The following ATP2B3 variants were observed in gnomAD, a reference collection of about 807,000 sequenced individuals.
The protein encoded by ATP2B3 is plasma membrane calcium-transporting ATPase 3.
A neutral mutation model predicts 70.8 loss-of-function variants in ATP2B3; 12 were observed. That is an observed-to-expected ratio of 0.17 (90% confidence interval 0.11 to 0.27). The LOEUF is 0.27. Among genes scored for constraint, ATP2B3 ranks in the 10% least tolerant of loss-of-function variants. The pLI is 1.00. For synonymous variants in ATP2B3, 460 were observed against 497.8 expected, an observed-to-expected ratio of 0.92 and a Z score of 1.01; for missense variants, 858 against 1,118.5, an observed-to-expected ratio of 0.77 and a Z score of 3.32.
chrX:153,552,547 G>A (rs977129375), intron 12 of ATP2B3, among the ~76,000 whole-genome samples: 2 of 112,174 alleles, frequency 1.8e-5, no homozygotes, highest in Non-Finnish European at 3.8e-5. Context: ...TGGTTATAGC[G>A]ATTGTCCACA....
In ATP2B3 at chrX:153,564,913, TC is replaced by T. The variant is rs782463322; in HGVS notation, c.3160-3del. ...GCTCTCACGGCCACTTCCGTGTGGCTCCCCCAGGTCATTGCCACCATCCCCA... is the reference window on the plus strand; with the variant it reads ...GCTCTCACGGCCACTTCCGTGTGGCTCCCCAGGTCATTGCCACCATCCCCA... On this transcript the variant is annotated splice_polypyrimidine_tract_variant and splice_region_variant and intron_variant, in intron 20 of 21. Coordinates refer to ENST00000263519, the MANE Select transcript of ATP2B3 (RefSeq NM_001001344.3). The T allele has an allele frequency of 1.4e-5, 16 of 1,171,311 alleles. No homozygotes were observed. The South Asian group carries it at 2.7e-4, about 20-fold the overall frequency.
At chrX:153,546,861 T>A (rs1557008949) in intron 8 of ATP2B3, among the ~76,000 whole-genome samples, 1 of 112,461 alleles carries the variant, frequency 8.9e-6, no homozygotes, top group African/African-American at 3.2e-5. Flanking sequence ...GACAGCCCGA[T>A]GGCTGCAGCC....
rs1557010446 is a variant in ATP2B3, at chrX:153,549,603, G to A, written c.1445G>A (p.Arg482His). Residue 482 changes from arginine to histidine, a missense_variant, in exon 11 of 22, where the codon CGT (arginine) becomes CAT (histidine). By Grantham distance (29) the Arg-to-His change is conservative. Around this residue, in one of 5 missense-constraint regions of ATP2B3, gnomAD observed 23 missense variants for 59.0 expected, o/e 0.39. Coordinates refer to ENST00000263519, the MANE Select transcript of ATP2B3 (RefSeq NM_001001344.3). ...AAGACGGGCACGCTCACCACCAACC[G>A]TATGACCGTGGTCCAGTCCTACCTA... is the stretch of plus-strand genomic sequence containing the variant. Reference protein sequence around the residue: ...SDKTGTLTTNRMTVVQSYLGD... With the variant: ...SDKTGTLTTNHMTVVQSYLGD... The A allele has an allele frequency of 5.8e-6, 7 of 1,212,306 alleles. No individual in the cohort carries two copies. The highest frequency in any genetic ancestry group is 3.0e-5 in the East Asian group (1 of 33,869).
At chrX:153,539,208 G>A (rs1557005359) in intron 3 of ATP2B3, among the ~76,000 whole-genome samples, 1 of 112,582 alleles carries the variant, frequency 8.9e-6, no homozygotes, top group East Asian at 2.8e-4. Flanking sequence ...ACACCCCTCA[G>A]TTGGGTCCCT....
At chrX:153,530,183 C>T (rs1008984479) in intron 2 of ATP2B3, among the ~76,000 whole-genome samples, 2 of 112,476 alleles carry the variant, frequency 1.8e-5, no homozygotes, top group Non-Finnish European at 3.8e-5. Flanking sequence ...TCTGGGCCAG[C>T]CCTGGAGCCT....
In ATP2B3 at chrX:153,540,685, C is replaced by T. The variant is rs2269408; in HGVS notation, c.209-674C>T. On this transcript the variant is annotated intron_variant, in intron 3 of 21. Transcript: ENST00000263519. ...GTGTGACACTGCCAGTCTTTGGGAC[C>T]GGCTGGCCCCATCTTACAGAGCTGG... 1.2e-4 allele frequency among the ~76,000 whole-genome samples: 13 copies of T among 112,599 alleles called. No homozygotes were observed. In the East Asian group the frequency reaches 3.1e-3, roughly 27 times the overall value.
rs782360934 is a variant in ATP2B3 at position 153,556,191 on chromosome X, A to C, written c.2201A>C (p.Lys734Thr). ...PGEDFLCLEG[K>T]EFNRRIRNEK... is the part of the protein sequence containing the mutation. ...GAGGACTTCCTGTGCCTAGAAGGGA[A>C]GGAGTTCAACCGGCGGATCCGCAAT... Residue 734 changes from lysine (K) to threonine (T), a missense_variant, in exon 14 of 22, where the codon AAG becomes ACG. Lys to Thr is a moderately conservative substitution (Grantham distance 78). Coordinates refer to ENST00000263519, the MANE Select transcript of ATP2B3 (RefSeq NM_001001344.3). 1 of 1,209,418 alleles carries C rather than the reference A, an allele frequency of 8.3e-7. No homozygotes were observed. Among genetic ancestry groups the C allele is most frequent in the African/African-American group, 1.7e-5 (1 of 57,541 alleles).
At chrX:153,545,250 A>G (rs966231385) in intron 7 of ATP2B3, among the ~76,000 whole-genome samples, 1 of 113,554 alleles carries the variant, frequency 8.8e-6, no homozygotes, top group South Asian at 3.5e-4. Flanking sequence ...CTTGGGGCCC[A>G]GCCTGGCCTT....
intron 3 of ATP2B3, among the ~76,000 whole-genome samples, chrX:153,538,907 C>T (rs1000859780): frequency 5.3e-5 from 6 of 112,765 alleles, no homozygotes; most frequent in Admixed American, 1.9e-4. Flanking sequence ...CTGGCGAGGG[C>T]GAGGGAGCTC....
rs111803434 is a variant in ATP2B3 at position 153,578,901 on chromosome X, G to A, written c.3343-1077G>A. Among the ~76,000 whole-genome samples, 544 of 112,696 alleles carry A rather than the reference G, an allele frequency of 4.8e-3. 5 individuals are homozygous for A. The highest frequency in any genetic ancestry group is 0.017 in the African/African-American group (521 of 31,054). Reference sequence around the variant, plus strand: ...GAACCAGACCCAGTCAGACACGGGGGCTGTGAGGAGGCCACAGGGGCATCT... The same window carrying A: ...GAACCAGACCCAGTCAGACACGGGGACTGTGAGGAGGCCACAGGGGCATCT... On this transcript the variant is annotated intron_variant, in intron 21 of 21. Transcript: ENST00000263519.
Position 153,528,451 on chromosome X carries a change from AC to A in ATP2B3, c.-126-7665del, listed in dbSNP as rs782073006. Reference sequence around the variant, plus strand: ...CAGCTAGAACTTCTAGGACAATATCACCCCCCAGGGAGCTCAGGGGAAAGTG... The same window carrying A: ...CAGCTAGAACTTCTAGGACAATATCACCCCCAGGGAGCTCAGGGGAAAGTG... On this transcript the variant is annotated intron_variant, in intron 2 of 21. Coordinates refer to ENST00000263519, the MANE Select transcript of ATP2B3 (RefSeq NM_001001344.3). Among the ~76,000 whole-genome samples, 7 of 109,801 alleles carry A rather than the reference AC, an allele frequency of 6.4e-5. No individual in the cohort carries two copies. In the South Asian group the frequency reaches 2.8e-3, roughly 43 times the overall value.
rs782451181 is a variant in ATP2B3, at chrX:153,558,320, G to T, written c.2625+17G>T. The T allele has an allele frequency of 8.4e-7, 1 of 1,188,680 alleles. No homozygotes were observed. The highest frequency in any genetic ancestry group is 1.1e-6 in the Non-Finnish European group (1 of 880,927). ...ATTACTCAGGTGGGTACTGGGGGCT[G>T]CCATGCCCCAGCTAGGACACCTGGG... is the stretch of plus-strand genomic sequence containing the variant. On this transcript the variant is annotated intron_variant, in intron 17 of 21. Coordinates refer to ENST00000263519, the MANE Select transcript of ATP2B3 (RefSeq NM_001001344.3).
chrX:153,562,575 T>A (rs1557016757), intron 20 of ATP2B3, among the ~76,000 whole-genome samples: 1 of 111,868 alleles, frequency 8.9e-6, no homozygotes, highest in Non-Finnish European at 1.9e-5. Flanking sequence ...AGCACCCTGA[T>A]CAATAATCCA....
At chrX:153,549,881 C>A (rs1346671940) in intron 11 of ATP2B3, 142 bp downstream of exon 11, 1 of 1,068,757 alleles carries the variant, frequency 9.4e-7, no homozygotes, top group African/African-American at 1.8e-5. Context: ...TCACAGGTGG[C>A]TCTGGCTGGG....
chrX:153,523,722 G>A (rs1200070240), intron 2 of ATP2B3, among the ~76,000 whole-genome samples: 1 of 71,668 alleles, frequency 1.4e-5, no homozygotes, highest in Admixed American at 2.4e-4. Flanking sequence ...CCCTGAGACA[G>A]TCTCGCTCTG....
intron 10 of ATP2B3, 45 bp downstream of exon 10, chrX:153,548,899 C>A: frequency 8.7e-7 from 1 of 1,156,042 alleles, no homozygotes; most frequent in Non-Finnish European, 1.2e-6. Context: ...GACTCGGAAA[C>A]TGGGGTAAGA....
intron 2 of ATP2B3, among the ~76,000 whole-genome samples, chrX:153,528,439 T>C (rs2090066207): frequency 9.0e-6 from 1 of 111,601 alleles, no homozygotes; most frequent in African/African-American, 3.3e-5. Flanking sequence ...CTAGAACTTC[T>C]AGGACAATAT....
At chrX:153,568,684 G>A (rs970240882) in intron 21 of ATP2B3, among the ~76,000 whole-genome samples, 3 of 112,072 alleles carry the variant, frequency 2.7e-5, no homozygotes, top group African/African-American at 6.5e-5. Context: ...TCCACAGCGC[G>A]TCAAAGGCTG....
intron 19 of ATP2B3, among the ~76,000 whole-genome samples, chrX:153,561,110 G>A (rs2090618663): frequency 8.9e-6 from 1 of 112,248 alleles, no homozygotes; most frequent in Non-Finnish European, 1.9e-5. Context: ...GAGCGCGCTG[G>A]CTTCCAGAAG....
Sources: gnomAD v4.1 joint callset for allele counts (sites outside exome capture counted in the v4.1 genomes callset) on GRCh38, gnomAD v4.1.1 for gene constraint, gnomAD v4.1.1 regional missense constraint, MANE v1.5 for transcripts, NCBI Gene and HGNC (gene_info 2026-07-23, HGNC 2026-07-21) for gene names.